The following PPP5C variants were observed in gnomAD, a reference collection of about 807,000 sequenced individuals.
The protein encoded by PPP5C is serine/threonine-protein phosphatase 5.
A neutral mutation model predicts 66.7 loss-of-function variants in PPP5C; 21 were observed. The observed-to-expected ratio is 0.31, with a 90% CI of 0.22 to 0.45. The LOEUF (loss-of-function observed/expected upper bound fraction) is 0.45. Among genes scored for constraint, PPP5C ranks in the 20% least tolerant of loss-of-function variants. The pLI, the probability that PPP5C is intolerant of heterozygous loss-of-function variation, is 1.00. For synonymous variants in PPP5C, 246 were observed against 257.4 expected, an observed-to-expected ratio of 0.96 and a Z score of 0.43; for missense variants, 464 against 675.9, an observed-to-expected ratio of 0.69 and a Z score of 3.48.
chr19:46,351,017 A>C (rs1486325320), intron 1 of PPP5C, among the ~76,000 whole-genome samples: 1 of 152,066 alleles, frequency 6.6e-6, no homozygotes, highest in African/African-American at 2.4e-5. Flanking sequence ...GTCTGAGTCT[A>C]AGGGAAGTGT....
intron 2 of PPP5C, among the ~76,000 whole-genome samples, chr19:46,362,157 G>T (rs1972403856): frequency 6.6e-6 from 1 of 152,010 alleles, no homozygotes; most frequent in Admixed American, 6.6e-5. Context: ...GTTTCTCTTG[G>T]TTATCACATA....
rs35992791 is a variant in PPP5C, at chr19:46,348,307, ATT to A, written c.121+1111_121+1112del. Among the ~76,000 whole-genome samples the A allele has an allele frequency of 6.7e-3, 746 of 111,228 alleles. 3 individuals are homozygous for A. The highest frequency in any genetic ancestry group is 0.039 in the East Asian group (156 of 3,956). 73.0% of individuals were successfully genotyped at this position (111,228 alleles called of 152,430 possible). A position where few individuals can be genotyped will look rare whatever the true frequency, so the allele number is the denominator to read the frequency against. ...GAGTCATTACAAAGACCAGTTTGGA[ATT>A]TTTTTTTTTTTTTTTTTTTTGAGAC... On this transcript the variant is annotated intron_variant, in intron 1 of 12. Coordinates refer to ENST00000012443, the MANE Select transcript of PPP5C (RefSeq NM_006247.4).
rs1972820346 is a variant in PPP5C at position 46,383,054 on chromosome 19, ACT to A, written c.634-354_634-353del. 9.3e-7 allele frequency: 1 copy of A among 1,078,988 alleles called. No homozygotes were observed. Among genetic ancestry groups the A allele is most frequent in the Non-Finnish European group, 1.2e-6 (1 of 851,384 alleles). 66.8% of individuals were successfully genotyped at this position (1,078,988 alleles called of 1,614,324 possible). A position where few individuals can be genotyped will look rare whatever the true frequency, so the allele number is the denominator to read the frequency against. ...GAAAGTCTCACTTCTTTTTTGGGAGACTCTTTTATGACAGTGACATTGCGCTG... is the reference window on the plus strand; with the variant it reads ...GAAAGTCTCACTTCTTTTTTGGGAGACTTTTATGACAGTGACATTGCGCTG... On this transcript the variant is annotated intron_variant, in intron 4 of 12. Transcript: ENST00000012443. This position sits in a 1 kb window ranked among gnomAD's most constrained non-coding sequence, Gnocchi z 5.0.
chr19:46,364,288 T>G (rs1040892201), intron 2 of PPP5C, among the ~76,000 whole-genome samples: 4 of 152,222 alleles, frequency 2.6e-5, no homozygotes, highest in Middle Eastern at 3.4e-3. Context: ...ATAGAGCTCT[T>G]TAAAAACTTT....
intron 1 of PPP5C, among the ~76,000 whole-genome samples, chr19:46,351,178 CAAA>C (rs1972177197): frequency 6.6e-6 from 1 of 152,192 alleles, no homozygotes. Flanking sequence ...TGCCTGGGTT[CAAA>C]CCCTATGTCT....
intron 2 of PPP5C, among the ~76,000 whole-genome samples, chr19:46,361,908 T>C (rs1972399630): frequency 6.6e-6 from 1 of 152,240 alleles, no homozygotes; most frequent in South Asian, 2.1e-4. Flanking sequence ...GCTTTGACCA[T>C]ACAAAATAAG....
intron 2 of PPP5C, among the ~76,000 whole-genome samples, chr19:46,369,146 GTGT>G (rs1333842035): frequency 6.6e-6 from 1 of 152,152 alleles, no homozygotes; most frequent in Non-Finnish European, 1.5e-5. Flanking sequence ...TTTGAGAAGT[GTGT>G]TGTTAGGTGA....
At position 46,390,017 on chromosome 19, in the gene PPP5C, G is replaced by T; in HGVS notation, c.1356-34G>T. ...TAACCCACCAGCCCCACCCAGCCCT[G>T]ACCACACTGTCCACTCTGCTCCTGT... is the stretch of plus-strand genomic sequence containing the variant. On this transcript the variant is annotated intron_variant, in intron 11 of 12. Coordinates refer to ENST00000012443, the MANE Select transcript of PPP5C (RefSeq NM_006247.4). 3 of 1,605,604 alleles carry T rather than the reference G, an allele frequency of 1.9e-6. No homozygotes were observed. The South Asian group carries it at 3.3e-5, about 18-fold the overall frequency.
chr19:46,387,735 A>G, intron 9 of PPP5C: 1 of 1,362,730 alleles, frequency 7.3e-7, no homozygotes, highest in East Asian at 3.1e-5. Flanking sequence ...CCCTGGAAGG[A>G]GGGGAGGTCT....
At position 46,352,636 on chromosome 19, in the gene PPP5C, C is replaced by T. The variant is rs559963931; in HGVS notation, c.122-1112C>T. Among the ~76,000 whole-genome samples the T allele has an allele frequency of 1.3e-3, 203 of 152,136 alleles. 1 individual carries two copies. The highest frequency in any genetic ancestry group is 4.5e-3 in the African/African-American group (188 of 41,506). On this transcript the variant is annotated intron_variant, in intron 1 of 12. Transcript: ENST00000012443. ...GAGATCGAGACCATCCTGGCTAACA[C>T]GGTGAAACCCCGTCTCTACTAAAAA...
chr19:46,354,028 G>A, intron 2 of PPP5C, 39 bp downstream of exon 2: 1 of 1,604,282 alleles, frequency 6.2e-7, no homozygotes, highest in Non-Finnish European at 8.5e-7. Context: ...ACCTGAGCCA[G>A]GCAGATACTG....
intron 2 of PPP5C, among the ~76,000 whole-genome samples, chr19:46,365,900 G>C (rs1972482571): frequency 6.6e-6 from 1 of 152,122 alleles, no homozygotes; most frequent in South Asian, 2.1e-4. Context: ...CTGTGACCCG[G>C]GCCTCCTGCT....
intron 1 of PPP5C, among the ~76,000 whole-genome samples, chr19:46,349,553 G>T (rs1972146154): frequency 6.6e-6 from 1 of 152,114 alleles, no homozygotes; most frequent in Non-Finnish European, 1.5e-5. Context: ...TGAGAGATGA[G>T]GCCAGAGGTA....
rs1345210231 is a variant in PPP5C, at chr19:46,390,632, CGA to C, written c.*288_*289del. 17 of 1,304,374 alleles carry C rather than the reference CGA, an allele frequency of 1.3e-5. No homozygotes were observed. The highest frequency in any genetic ancestry group is 1.7e-5 in the Non-Finnish European group (17 of 1,015,940). 80.8% of individuals were successfully genotyped at this position (1,304,374 alleles called of 1,614,324 possible). A position where few individuals can be genotyped will look rare whatever the true frequency, so the allele number is the denominator to read the frequency against. On this transcript the variant is annotated 3_prime_UTR_variant, in exon 13 of 13. Coordinates refer to ENST00000012443, the MANE Select transcript of PPP5C (RefSeq NM_006247.4). ...GGCCGTCCTCGGGGTGGGGTGGGGCCGAGTGGCTGCCCTGCCCCCCTCATTTG... is the reference window on the plus strand; with the variant it reads ...GGCCGTCCTCGGGGTGGGGTGGGGCCGTGGCTGCCCTGCCCCCCTCATTTG...
intron 9 of PPP5C, chr19:46,387,661 G>A (rs1430105938): frequency 2.0e-6 from 3 of 1,499,246 alleles, no homozygotes; most frequent in Non-Finnish European, 1.8e-6. Context: ...CCATGGTGCG[G>A]GGTGAAGGCA....
At position 46,361,128 on chromosome 19, in the gene PPP5C, A is replaced by ATTTTTTTTTTTT. The variant is rs202038384; in HGVS notation, c.363+7139_363+7140insTTTTTTTTTTTT. The stretch of plus-strand genomic sequence containing the variant: ...TTTACCCAAAAGATAAGTGAAAGAA[A>ATTTTTTTTTTTT]ATTTTTTTTTTTTTTTTTTGAGACG... On this transcript the variant is annotated intron_variant, in intron 2 of 12. Coordinates refer to ENST00000012443, the MANE Select transcript of PPP5C (RefSeq NM_006247.4). 3.7e-5 allele frequency among the ~76,000 whole-genome samples: 5 copies of ATTTTTTTTTTTT among 133,416 alleles called. 1 individual carries two copies. Among genetic ancestry groups the ATTTTTTTTTTTT allele is most frequent in the Non-Finnish European group, 4.8e-5 (3 of 63,144 alleles). 87.5% of individuals were successfully genotyped at this position (133,416 alleles called of 152,430 possible).
chr19:46,384,047 A>AC, intron 6 of PPP5C, 169 bp downstream of exon 6: 1 of 626,784 alleles, frequency 1.6e-6, no homozygotes, highest in East Asian at 2.7e-5. Context: ...CTGGCCATGC[A>AC]CCCCAGGCTC....
chr19:46,356,107 G>A (rs996701238), intron 2 of PPP5C, among the ~76,000 whole-genome samples: 7 of 152,218 alleles, frequency 4.6e-5, no homozygotes, highest in African/African-American at 1.2e-4. Context: ...TCTTGTGGGT[G>A]TGCCACGTCT....
chr19:46,371,448 G>T (rs1972590280), intron 2 of PPP5C, among the ~76,000 whole-genome samples: 1 of 152,134 alleles, frequency 6.6e-6, no homozygotes. Context: ...CATCTTCACG[G>T]CTACCCTGCG....
Sources: allele counts gnomAD v4.1 joint callset (sites outside exome capture counted in the v4.1 genomes callset), GRCh38; gene constraint gnomAD v4.1.1; non-coding constraint Gnocchi (gnomAD v3.1); transcripts MANE v1.5; gene names NCBI Gene and HGNC (gene_info 2026-07-23, HGNC 2026-07-21).